The following ARSB variants were observed in gnomAD, a reference collection of about 807,000 sequenced individuals.
The protein encoded by ARSB is arylsulfatase B, also known as N-acetylgalactosamine-4-sulfatase.
Under a neutral mutation model 50.9 loss-of-function variants are expected in ARSB, and 41 were observed. The ratio of observed to expected loss-of-function variants is 0.81; its 90% CI spans 0.63 to 1.04. The LOEUF (loss-of-function observed/expected upper bound fraction) is 1.04. Among genes scored for constraint, ARSB ranks in the 50% least tolerant of loss-of-function variants. ARSB has a pLI of 0.00. For synonymous variants in ARSB, 269 were observed against 284.8 expected, an observed-to-expected ratio of 0.94 and a Z score of 0.56; for missense variants, 672 against 693.3, an observed-to-expected ratio of 0.97 and a Z score of 0.35.
intron 4 of ARSB, among the ~76,000 whole-genome samples, chr5:78,929,444 C>A (rs566508126): frequency 6.6e-6 from 1 of 152,232 alleles, no homozygotes; most frequent in South Asian, 2.1e-4. Flanking sequence ...GAATCTGAGA[C>A]TTGTGCCTCA....
intron 4 of ARSB, among the ~76,000 whole-genome samples, chr5:78,890,685 G>A (rs550430488): frequency 6.6e-6 from 1 of 152,060 alleles, no homozygotes; most frequent in Non-Finnish European, 1.5e-5. Context: ...CCAACTTCAG[G>A]CCCACATATA....
intron 6 of ARSB, among the ~76,000 whole-genome samples, chr5:78,827,314 TC>T (rs1744478069): frequency 6.6e-6 from 1 of 152,150 alleles, no homozygotes. Flanking sequence ...GTTCAAGCAA[TC>T]CTCCCACCTT....
At chr5:78,871,956 A>C (rs1747208342) in intron 5 of ARSB, among the ~76,000 whole-genome samples, 1 of 151,780 alleles carries the variant, frequency 6.6e-6, no homozygotes, top group Admixed American at 6.6e-5. Flanking sequence ...CAATGAACTC[A>C]AACAAATTAC....
chr5:78,912,471 C>T (rs1230498723), intron 4 of ARSB, among the ~76,000 whole-genome samples: 1 of 152,190 alleles, frequency 6.6e-6, no homozygotes, highest in African/African-American at 2.4e-5. Flanking sequence ...GTGTCTTCCA[C>T]CTGGTTCTCC....
rs539330550 is a variant in ARSB at position 78,888,433 on chromosome 5, C to G, written c.899-2606G>C. 2.6e-5 allele frequency among the ~76,000 whole-genome samples: 4 copies of G among 152,320 alleles called. No individual in the cohort carries two copies. In the East Asian group the frequency reaches 7.7e-4, roughly 29 times the overall value. ...AATACACTGGAAAGAAATACCTACA[C>G]TCTTCCCGTGATATCAAGAAAGGCT... is the stretch of plus-strand genomic sequence containing the variant. On this transcript the variant is annotated intron_variant, in intron 4 of 7. Transcript: ENST00000264914.
intron 5 of ARSB, among the ~76,000 whole-genome samples, chr5:78,843,150 G>C (rs1182955164): frequency 6.6e-6 from 1 of 152,202 alleles, no homozygotes; most frequent in African/African-American, 2.4e-5. Flanking sequence ...CCTAAGCAGT[G>C]CTTCCCAAAC....
intron 4 of ARSB, among the ~76,000 whole-genome samples, chr5:78,948,314 A>G (rs2112462389): frequency 6.6e-6 from 1 of 152,350 alleles, no homozygotes; most frequent in African/African-American, 2.4e-5. Context: ...GGTAACACAA[A>G]GAAATGATAA....
intron 4 of ARSB, among the ~76,000 whole-genome samples, chr5:78,912,726 T>C (rs760470369): frequency 2.0e-5 from 3 of 152,172 alleles, no homozygotes; most frequent in Non-Finnish European, 4.4e-5. Context: ...TAATATGAAA[T>C]AGAGGTCAGA....
At chr5:78,940,892 A>G (rs1264865629) in intron 4 of ARSB, among the ~76,000 whole-genome samples, 18 of 152,036 alleles carry the variant, frequency 1.2e-4, no homozygotes, top group African/African-American at 3.4e-4. Context: ...CCATTTTCAC[A>G]ATATTGATTC....
At chr5:78,875,204 A>G (rs1189525787) in intron 5 of ARSB, among the ~76,000 whole-genome samples, 2 of 152,166 alleles carry the variant, frequency 1.3e-5, no homozygotes, top group Non-Finnish European at 2.9e-5. Context: ...CTAGAAATCA[A>G]TAATTTAACT....
intron 6 of ARSB, among the ~76,000 whole-genome samples, chr5:78,824,525 C>T (rs116143002): frequency 2.6e-5 from 4 of 152,188 alleles, no homozygotes; most frequent in East Asian, 1.9e-4. Context: ...TCAGGTGATT[C>T]GTGTGCACAT....
intron 5 of ARSB, among the ~76,000 whole-genome samples, chr5:78,864,358 T>C (rs1433875962): frequency 6.6e-6 from 1 of 152,106 alleles, no homozygotes; most frequent in Non-Finnish European, 1.5e-5. Flanking sequence ...AAAGAGAGAA[T>C]GAGGAAGATG....
At chr5:78,845,456 T>G (rs1034047599) in intron 5 of ARSB, among the ~76,000 whole-genome samples, 2 of 152,174 alleles carry the variant, frequency 1.3e-5, no homozygotes, top group African/African-American at 2.4e-5. Flanking sequence ...GCCTTCATAT[T>G]GTTTTCCACA....
rs35428296 is a variant in ARSB, at chr5:78,826,053, C to CTT, written c.1213+13301_1213+13302dup. 2.8e-3 allele frequency among the ~76,000 whole-genome samples: 404 copies of CTT among 145,412 alleles called. 2 individuals are homozygous for CTT. The highest frequency in any genetic ancestry group is 7.2e-3 in the Admixed American group (105 of 14,534). ...AACCCCATGTCTTTCCTTTTTCTTT[C>CTT]TTTTTTTTTTTTTGATGGAGTCTCG... On this transcript the variant is annotated intron_variant, in intron 6 of 7. Coordinates refer to ENST00000264914, the MANE Select transcript of ARSB (RefSeq NM_000046.5).
chr5:78,955,380 G>C lies in ARSB; in HGVS notation c.813C>G (p.Ser271=). The C allele has an allele frequency of 1.9e-6, 3 of 1,614,100 alleles. No homozygotes were observed. The highest frequency in any genetic ancestry group is 2.5e-6 in the Non-Finnish European group (3 of 1,180,020). Residue 271 remains serine, a synonymous_variant, in exon 4 of 8, where the codon TCC becomes TCG. Coordinates refer to ENST00000264914, the MANE Select transcript of ARSB (RefSeq NM_000046.5). The part of the protein sequence containing the change: ...KNRHHYAGMV[S]LMDEAVGNVT... ...CATTTCCTACTGCTTCATCCATAAG[G>C]GACACCATTCCTGCATAGTGATGCC...
At chr5:78,821,313 A>C (rs1312958101) in intron 6 of ARSB, among the ~76,000 whole-genome samples, 2 of 151,806 alleles carry the variant, frequency 1.3e-5, no homozygotes, top group South Asian at 2.1e-4. Flanking sequence ...TTTTTTTGTA[A>C]TTTTAGTAGA....
At chr5:78,956,139 A>G (rs1245068776) in intron 3 of ARSB, among the ~76,000 whole-genome samples, 3 of 152,256 alleles carry the variant, frequency 2.0e-5, no homozygotes, top group Non-Finnish European at 2.9e-5. Context: ...CTATCAATTG[A>G]TGAATGGATA....
chr5:78,941,606 C>G (rs550551900), intron 4 of ARSB, among the ~76,000 whole-genome samples: 19 of 152,306 alleles, frequency 1.2e-4, no homozygotes, highest in African/African-American at 2.9e-4. Context: ...ATATATTGAA[C>G]CAGCCTTGCA....
intron 4 of ARSB, among the ~76,000 whole-genome samples, chr5:78,950,007 G>A (rs894830049): frequency 1.2e-4 from 18 of 152,206 alleles, no homozygotes; most frequent in African/African-American, 4.1e-4. Flanking sequence ...TTGCAGAATC[G>A]GTTTTCCTAG....
Sources: allele counts gnomAD v4.1 joint callset (sites outside exome capture counted in the v4.1 genomes callset), GRCh38; gene constraint gnomAD v4.1.1; transcripts MANE v1.5; gene names NCBI Gene and HGNC (gene_info 2026-07-23, HGNC 2026-07-21).